The following IGSF9B variants were observed in gnomAD, a reference collection of about 807,000 sequenced individuals.
IGSF9B encodes immunoglobulin superfamily member 9B, also known as protein turtle homolog B.
In IGSF9B, 48 loss-of-function variants were observed where a neutral mutation model predicts 143.7. The ratio of observed to expected loss-of-function variants is 0.33; its 90% CI spans 0.26 to 0.42. IGSF9B has a LOEUF of 0.42. IGSF9B is among the 20% of genes least tolerant of loss of function. The probability of loss-of-function intolerance (pLI) is 1.00; values close to 1 mark genes in which losing one functional copy is unlikely to be tolerated. For missense variants in IGSF9B, 1,706 were observed against 1,980.0 expected (o/e 0.86, Z 2.63); for synonymous variants, 903 against 833.1 (o/e 1.08, Z -1.44).
chr11:133,926,287 C>T (rs1210219096), intron 13 of IGSF9B, among the ~76,000 whole-genome samples: 2 of 152,178 alleles, frequency 1.3e-5, no homozygotes, highest in Non-Finnish European at 2.9e-5. Context: ...CCTTCTTGGC[C>T]GGGGTTTGGG....
chr11:133,937,677 G>T, intron 4 of IGSF9B, 133 bp downstream of exon 4: 2 of 1,208,524 alleles, frequency 1.7e-6, no homozygotes, highest in Non-Finnish European at 2.3e-6. Context: ...GACGCCTGCA[G>T]CTGAGCCAGG....
chr11:133,926,140 G>A (rs950224060), intron 13 of IGSF9B, among the ~76,000 whole-genome samples, 175 bp from the exon 14 acceptor site: 8 of 152,212 alleles, frequency 5.3e-5, no homozygotes, highest in South Asian at 2.1e-4. Flanking sequence ...TGAGGGAATC[G>A]TGTACTGCAA....
At chr11:133,938,922 G>A (rs1565442703) in intron 3 of IGSF9B, among the ~76,000 whole-genome samples, 1 of 152,202 alleles carries the variant, frequency 6.6e-6, no homozygotes, top group Non-Finnish European at 1.5e-5. Flanking sequence ...GAATAAACAT[G>A]TAAAAAGGAG....
At chr11:133,937,534 C>T (rs762267002) in intron 4 of IGSF9B, 41 bp from the exon 5 acceptor site, 2 of 1,479,970 alleles carry the variant, frequency 1.4e-6, no homozygotes, top group South Asian at 1.1e-5. Flanking sequence ...CCCACGCTCA[C>T]ACCCACCGCT....
chr11:133,923,798 G>A (rs943691025), intron 15 of IGSF9B, among the ~76,000 whole-genome samples: 1 of 152,222 alleles, frequency 6.6e-6, no homozygotes, highest in Middle Eastern at 3.2e-3. Flanking sequence ...GCCAGGAGCT[G>A]GCATAGAGCT....
chr11:133,919,649 CGCCGG>C, intron 18 of IGSF9B, 88 bp downstream of exon 18: 1 of 840,840 alleles, frequency 1.2e-6, no homozygotes, highest in Non-Finnish European at 1.7e-6. Flanking sequence ...CGAGCCCTGT[CGCCGG>C]GCGGATGGAC....
intron 11 of IGSF9B, 57 bp downstream of exon 11, chr11:133,930,927 G>T: frequency 2.0e-6 from 3 of 1,510,590 alleles, no homozygotes; most frequent in South Asian, 1.3e-5. Context: ...CCAGCACCCC[G>T]CCCCCAGCCA....
chr11:133,937,569 G>C, intron 4 of IGSF9B, 76 bp from the exon 5 acceptor site: 1 of 1,229,410 alleles, frequency 8.1e-7, no homozygotes, highest in Admixed American at 1.8e-5. Flanking sequence ...CGGAGATGCA[G>C]TCGGAGACAC....
At position 133,905,613 on chromosome 11, in the gene IGSF9B, T is replaced by C. The variant is rs1458227983; in HGVS notation, c.*3456A>G. Among the ~76,000 whole-genome samples the C allele has an allele frequency of 1.3e-5, 2 of 152,238 alleles. No individual in the cohort carries two copies. The highest frequency in any genetic ancestry group is 2.9e-5 in the Non-Finnish European group (2 of 68,040). On this transcript the variant is annotated 3_prime_UTR_variant, in exon 20 of 20. Coordinates refer to ENST00000533871, the MANE Select transcript of IGSF9B (RefSeq NM_001277285.4). This position sits in a 1 kb window ranked among gnomAD's most constrained non-coding sequence, Gnocchi z 4.0. ...TTCAGTCTTCCCCCAAGCGCATGGT[T>C]GTGGGACTAAGCACCTCAAAGGAGG...
chr11:133,946,910 C>G (rs879467036), intron 1 of IGSF9B, among the ~76,000 whole-genome samples: 4 of 152,234 alleles, frequency 2.6e-5, no homozygotes, highest in Non-Finnish European at 4.4e-5. Flanking sequence ...GCCGGCCTCT[C>G]CAGCCCCTCC....
chr11:133,907,972 TC>T lies in IGSF9B; in HGVS notation c.*1096del, dbSNP rs1187218276. Among the ~76,000 whole-genome samples the T allele has an allele frequency of 6.6e-6, 1 of 152,174 alleles. No homozygotes were observed. The highest frequency in any genetic ancestry group is 1.9e-4 in the East Asian group (1 of 5,164). On this transcript the variant is annotated 3_prime_UTR_variant, in exon 20 of 20. Transcript: ENST00000533871. The stretch of plus-strand genomic sequence containing the variant: ...TAATTAATCAATCTGGAGAATTAGC[TC>T]CCACAAAAGCAAAGGAGGATCCAAT...
chr11:133,956,433 G>T (rs1940254229), intron 1 of IGSF9B, among the ~76,000 whole-genome samples: 1 of 152,124 alleles, frequency 6.6e-6, no homozygotes, highest in African/African-American at 2.4e-5. Context: ...AGGTTCCACT[G>T]CGTCCTTTCC....
chr11:133,935,457 G>A (rs1413881421), intron 7 of IGSF9B, among the ~76,000 whole-genome samples, 160 bp downstream of exon 7: 5 of 152,162 alleles, frequency 3.3e-5, no homozygotes, highest in Admixed American at 6.5e-5. Flanking sequence ...CCAGGGCCTC[G>A]GCCTCCTCTC....
chr11:133,920,340 G>C lies in IGSF9B; in HGVS notation c.3385C>G (p.Leu1129Val). 1 of 1,599,742 alleles carries C rather than the reference G, an allele frequency of 6.3e-7. No homozygotes were observed. Residue 1129 changes from leucine (L) to valine (V), a missense_variant, in exon 18 of 20, where the codon CTG becomes GTG. Physicochemically the swap from Leu to Val is conservative, Grantham distance 32 (BLOSUM62 1). Around this residue, in one of 7 missense-constraint regions of IGSF9B, gnomAD observed 880 missense variants for 762.9 expected, o/e 1.15. Coordinates refer to ENST00000533871, the MANE Select transcript of IGSF9B (RefSeq NM_001277285.4). ...AKWQDRPMQPLVSQGQLRHTS... is the reference protein window; with the variant it reads ...AKWQDRPMQPVVSQGQLRHTS... ...TGTCGCAGCTGCCCTTGGCTTACCA[G>C]AGGTTGCATAGGTCTGTCCTGCCAC...
Position 133,909,168 on chromosome 11 carries a change from G to A in IGSF9B, c.4215C>T (p.Ala1405=), listed in dbSNP as rs1007548004. The A allele has an allele frequency of 2.0e-6, 3 of 1,535,776 alleles. No individual in the cohort carries two copies. Among genetic ancestry groups the A allele is most frequent in the Non-Finnish European group, 2.6e-6 (3 of 1,146,752 alleles). Residue 1405 remains alanine, a synonymous_variant, in exon 20 of 20, where the codon GCC becomes GCT. Transcript: ENST00000533871. This position sits in a 1 kb window ranked among gnomAD's most constrained non-coding sequence, Gnocchi z 4.2. ...GGCGGTGGCACAAGTCTGAGAGCCG[G>A]GCAAAGGGGTCAGGACGAGAATGTC... ...KKRHSRPDPF[A]RLSDLCHRQL... is the part of the protein sequence containing the mutation.
At chr11:133,918,338 C>A (rs548078906) in intron 18 of IGSF9B, among the ~76,000 whole-genome samples, 1 of 152,076 alleles carries the variant, frequency 6.6e-6, no homozygotes, top group African/African-American at 2.4e-5. Flanking sequence ...TTACCAACAC[C>A]GGCCGGGGGG....
intron 5 of IGSF9B, among the ~76,000 whole-genome samples, chr11:133,936,743 C>A (rs1939831356): frequency 6.6e-6 from 1 of 152,234 alleles, no homozygotes; most frequent in African/African-American, 2.4e-5. Flanking sequence ...GAGGAGCATG[C>A]AGCCGCCACC....
At chr11:133,914,860 G>C (rs1215316948) in intron 18 of IGSF9B, among the ~76,000 whole-genome samples, 1 of 152,182 alleles carries the variant, frequency 6.6e-6, no homozygotes, top group Non-Finnish European at 1.5e-5. Context: ...CAATCGAATT[G>C]CCTCCCTGTT....
Position 133,904,862 on chromosome 11 carries a change from C to A in IGSF9B, c.*4207G>T, listed in dbSNP as rs1027982357. On this transcript the variant is annotated 3_prime_UTR_variant, in exon 20 of 20. Coordinates refer to ENST00000533871, the MANE Select transcript of IGSF9B (RefSeq NM_001277285.4). ...AAACACCAGTGCCCCATCCATTACC[C>A]TAGTCAATCTAGAGCTGGCCAATAA... Among the ~76,000 whole-genome samples the A allele has an allele frequency of 4.0e-5, 6 of 151,408 alleles. No individual in the cohort carries two copies. Among genetic ancestry groups the A allele is most frequent in the Non-Finnish European group, 8.8e-5 (6 of 67,956 alleles).
Sources: gnomAD v4.1 joint callset for allele counts (sites outside exome capture counted in the v4.1 genomes callset) on GRCh38, gnomAD v4.1.1 for gene constraint, gnomAD v4.1.1 regional missense constraint, Gnocchi (gnomAD v3.1) non-coding constraint, MANE v1.5 for transcripts, NCBI Gene and HGNC (gene_info 2026-07-23, HGNC 2026-07-21) for gene names.